EIF3A: variants seen among roughly 807,000 people sequenced by gnomAD.
The protein encoded by EIF3A is EIF3, p180 subunit.
A neutral mutation model predicts 186.6 loss-of-function variants in EIF3A; 21 were observed. That is an observed-to-expected ratio of 0.11 (90% confidence interval 0.08 to 0.16). The LOEUF (loss-of-function observed/expected upper bound fraction) is 0.16. Ranked by LOEUF, EIF3A falls within the 10% of genes least tolerant of loss-of-function variation. EIF3A has a pLI of 1.00. For missense variants in EIF3A, 1,306 were observed against 1,796.3 expected (o/e 0.73, Z 4.93); for synonymous variants, 563 against 584.3 (o/e 0.96, Z 0.52).
At chr10:119,061,747 T>C (rs1045230522) in intron 7 of EIF3A, among the ~76,000 whole-genome samples, 5 of 152,194 alleles carry the variant, frequency 3.3e-5, no homozygotes, top group Admixed American at 2.6e-4. Context: ...AATTCACATA[T>C]GGTGTATTCA....
intron 14 of EIF3A, among the ~76,000 whole-genome samples, chr10:119,056,176 C>A (rs1843780675): frequency 6.6e-6 from 1 of 152,148 alleles, no homozygotes; most frequent in African/African-American, 2.4e-5. Context: ...ATTTGTAAAC[C>A]ATGCTTTTGT....
At chr10:119,073,671 T>G in intron 2 of EIF3A, 76 bp downstream of exon 2, 2 of 1,560,296 alleles carry the variant, frequency 1.3e-6, no homozygotes, top group Non-Finnish European at 8.7e-7. Flanking sequence ...TACAATATAT[T>G]CACTTCGAAA....
intron 4 of EIF3A, 117 bp downstream of exon 4, chr10:119,072,773 T>G: frequency 7.8e-7 from 1 of 1,282,268 alleles, no homozygotes. Flanking sequence ...TTAATACTCA[T>G]GTGAATGCCA....
At position 119,059,125 on chromosome 10, in the gene EIF3A, T is replaced by C. The variant is rs1843839515; in HGVS notation, c.1629+87A>G. 8 of 1,025,254 alleles carry C rather than the reference T, an allele frequency of 7.8e-6. No homozygotes were observed. The Admixed American group carries it at 1.1e-4, about 14-fold the overall frequency. 63.5% of individuals were successfully genotyped at this position (1,025,254 alleles called of 1,614,324 possible). On this transcript the variant is annotated intron_variant, in intron 11 of 21. Coordinates refer to ENST00000369144, the MANE Select transcript of EIF3A (RefSeq NM_003750.4). ...ATCATAAATCCCTTCTCTCAGATAT[T>C]GTCTCAAACCTTTTTGTAAAAGACA...
intron 18 of EIF3A, 104 bp downstream of exon 18, chr10:119,043,950 A>G (rs987241287): frequency 3.4e-5 from 29 of 854,718 alleles, no homozygotes; most frequent in Middle Eastern, 2.3e-4. Context: ...ACAATTCTTC[A>G]TGGCTCTCCT....
intron 17 of EIF3A, among the ~76,000 whole-genome samples, chr10:119,049,350 TG>T (rs908652931): frequency 4.7e-4 from 71 of 152,180 alleles, no homozygotes; most frequent in African/African-American, 1.5e-3. Flanking sequence ...CAGCCAGGCA[TG>T]GTGTTGGGCG....
intron 1 of EIF3A, among the ~76,000 whole-genome samples, chr10:119,079,643 G>A (rs867719752): frequency 6.6e-6 from 1 of 152,024 alleles, no homozygotes; most frequent in Non-Finnish European, 1.5e-5. Context: ...AAGAACATGT[G>A]CATCCCCAGA....
rs1019780454 is a variant in EIF3A, at chr10:119,057,169, TA to T, written c.1978-130del. 43 of 614,916 alleles carry T rather than the reference TA, an allele frequency of 7.0e-5. No homozygotes were observed. The African/African-American group carries it at 7.0e-4, about 10-fold the overall frequency. The allele number at this position is 614,916 out of a possible 1,614,324, so 38.1% of individuals were successfully genotyped here. On this transcript the variant is annotated intron_variant, in intron 12 of 21. Transcript: ENST00000369144. ...ACAATGGGTGATAATTTAGGAAATGTAAAAATATTATACAATAGCCTTATTT... is the reference window on the plus strand; with the variant it reads ...ACAATGGGTGATAATTTAGGAAATGTAAAATATTATACAATAGCCTTATTT...
In EIF3A at chr10:119,058,121, C is replaced by T. The variant is rs780065466; in HGVS notation, c.1812G>A (p.Val604=). Residue 604 remains valine (V), a synonymous_variant, in exon 12 of 22, where the codon GTG becomes GTA. Coordinates refer to ENST00000369144, the MANE Select transcript of EIF3A (RefSeq NM_003750.4). ...GCAGCCTCTCTTCCTCAGCCTTCCGCACTTTCTGGAGTTCAGCTTCCCTCT... is the reference window on the plus strand; with the variant it reads ...GCAGCCTCTCTTCCTCAGCCTTCCGTACTTTCTGGAGTTCAGCTTCCCTCT... The part of the protein sequence containing the change: ...LEQREAELQK[V]RKAEEERLRQ... The T allele has an allele frequency of 5.0e-6, 8 of 1,614,178 alleles. No homozygotes were observed. Among genetic ancestry groups the T allele is most frequent in the Non-Finnish European group, 4.2e-6 (5 of 1,180,036 alleles).
At chr10:119,036,318 T>G in intron 21 of EIF3A, 50 bp from the exon 22 acceptor site, 2 of 1,239,734 alleles carry the variant, frequency 1.6e-6, no homozygotes, top group Non-Finnish European at 2.3e-6. Flanking sequence ...TATATTCTAT[T>G]GGCTCAAATT....
intron 14 of EIF3A, among the ~76,000 whole-genome samples, chr10:119,052,262 A>G (rs1430193087): frequency 6.6e-6 from 1 of 152,140 alleles, no homozygotes; most frequent in Non-Finnish European, 1.5e-5. Context: ...ATTTCAAGAA[A>G]CCACTTACTT....
chr10:119,070,203 A>G (rs1401138908), intron 5 of EIF3A, among the ~76,000 whole-genome samples: 1 of 152,214 alleles, frequency 6.6e-6, no homozygotes. Context: ...TCAAATATAC[A>G]AAAGACTTCA....
At chr10:119,060,677 T>G in intron 9 of EIF3A, 69 bp downstream of exon 9, 1 of 1,225,852 alleles carries the variant, frequency 8.2e-7, no homozygotes, top group Non-Finnish European at 1.1e-6. Context: ...CAGTTCTAGA[T>G]TTTTCCAGTT....
intron 12 of EIF3A, among the ~76,000 whole-genome samples, chr10:119,057,446 T>G (rs145090875): frequency 5.3e-5 from 8 of 152,244 alleles, no homozygotes; most frequent in African/African-American, 1.7e-4. Flanking sequence ...TGTAAAATAG[T>G]GTACAAAATT....
intron 11 of EIF3A, among the ~76,000 whole-genome samples, chr10:119,058,539 T>G (rs1843829242): frequency 6.6e-6 from 1 of 152,212 alleles, no homozygotes; most frequent in South Asian, 2.1e-4. Flanking sequence ...TAAGACAACT[T>G]TTCTCTGCAC....
At chr10:119,075,355 ATTGT>A (rs1844149471) in intron 1 of EIF3A, among the ~76,000 whole-genome samples, 1 of 152,054 alleles carries the variant, frequency 6.6e-6, no homozygotes, top group Non-Finnish European at 1.5e-5. Flanking sequence ...TTTTATGCAT[ATTGT>A]TTGTTTTGAA....
rs979442279 is a variant in EIF3A, at chr10:119,038,319, C to T, written c.3647G>A (p.Arg1216Gln). The T allele has an allele frequency of 4.3e-6, 7 of 1,613,976 alleles. No individual in the cohort carries two copies. Among genetic ancestry groups the T allele is most frequent in the African/African-American group, 1.3e-5 (1 of 74,902 alleles). ...CTCAGGGTCCTTGTCATTCTCCTCC[C>T]GATCTTGATTATCTCTGTCCCTTTC... The part of the protein sequence containing the change: ...EKERDRDNQD[R>Q]EENDKDPERE... The change falls in exon 20 of 22, where the codon CGG (arginine) becomes CAG (glutamine). Residue 1216 changes from arginine (R) to glutamine (Q), a missense_variant. Arg to Gln is a conservative substitution (Grantham distance 43, BLOSUM62 1). This residue lies in a region of EIF3A where 331 missense variants were observed against 365.8 expected (regional missense o/e 0.90). Transcript: ENST00000369144.
In EIF3A at chr10:119,051,254, T is replaced by G; in HGVS notation, c.2264A>C (p.Glu755Ala). Reference protein sequence around the residue: ...EHKNRMSRMLEDRDLFVMRLK... With the variant: ...EHKNRMSRMLADRDLFVMRLK... ...TCGCATTACGAATAAATCTCTGTCTTCAAGCATTCGTGACATTCGATTCTT... is the reference window on the plus strand; with the variant it reads ...TCGCATTACGAATAAATCTCTGTCTGCAAGCATTCGTGACATTCGATTCTT... The change falls in exon 15 of 22, where the codon GAA (glutamate) becomes GCA (alanine). Residue 755 changes from glutamate to alanine, a missense_variant. Around this residue, in one of 8 missense-constraint regions of EIF3A, gnomAD observed 410 missense variants for 473.5 expected, o/e 0.87. Coordinates refer to ENST00000369144, the MANE Select transcript of EIF3A (RefSeq NM_003750.4). 6.2e-7 allele frequency: 1 copy of G among 1,612,372 alleles called. No individual in the cohort carries two copies. Among genetic ancestry groups the G allele is most frequent in the Non-Finnish European group, 8.5e-7 (1 of 1,179,500 alleles).
Position 119,080,726 on chromosome 10 carries a change from C to A in EIF3A, c.-50G>T. 1 of 1,557,266 alleles carries A rather than the reference C, an allele frequency of 6.4e-7. No homozygotes were observed. The highest frequency in any genetic ancestry group is 2.4e-5 in the East Asian group (1 of 41,008). On this transcript the variant is annotated 5_prime_UTR_variant, in exon 1 of 22. Transcript: ENST00000369144. ...GGCGTCAGCGAACTCTCTAGTGGCC[C>A]GGGCCGGGAGAGGAGACGAAGGGGA...
Sources: gnomAD v4.1 joint callset for allele counts (sites outside exome capture counted in the v4.1 genomes callset) on GRCh38, gnomAD v4.1.1 for gene constraint, gnomAD v4.1.1 regional missense constraint, MANE v1.5 for transcripts, NCBI Gene and HGNC (gene_info 2026-07-23, HGNC 2026-07-21) for gene names.